Variants in TCERG1L observed in about 807,000 individuals in gnomAD.
The protein encoded by TCERG1L is transcription elongation regulator 1-like protein.
Under a neutral mutation model 56.3 loss-of-function variants are expected in TCERG1L, and 37 were observed. The observed-to-expected ratio is 0.66, with a 90% CI of 0.51 to 0.87. TCERG1L has a LOEUF of 0.87. TCERG1L is among the 40% of genes least tolerant of loss of function. TCERG1L has a pLI of 0.00. For synonymous variants in TCERG1L, 324 were observed against 326.3 expected (o/e 0.99, Z 0.08); for missense variants, 799 against 774.2 (o/e 1.03, Z -0.38).
intron 3 of TCERG1L, among the ~76,000 whole-genome samples, chr10:131,263,792 T>C (rs1846256523): frequency 1.3e-5 from 2 of 152,330 alleles, no homozygotes; most frequent in Admixed American, 1.3e-4. Flanking sequence ...CTACACAAAT[T>C]TATTAACAAT....
At chr10:131,191,425 G>C (rs1845299771) in intron 4 of TCERG1L, among the ~76,000 whole-genome samples, 1 of 143,426 alleles carries the variant, frequency 7.0e-6, no homozygotes, top group East Asian at 1.9e-4. Context: ...AATACCCAAA[G>C]CAATCCTAAG....
At chr10:131,199,947 A>G (rs1845413452) in intron 4 of TCERG1L, among the ~76,000 whole-genome samples, 3 of 152,040 alleles carry the variant, frequency 2.0e-5, no homozygotes, top group African/African-American at 4.8e-5. Context: ...CTGTAAAATT[A>G]CCTGCTGTGT....
intron 8 of TCERG1L, among the ~76,000 whole-genome samples, chr10:131,121,982 C>A (rs1295652892): frequency 6.6e-6 from 1 of 152,222 alleles, no homozygotes; most frequent in Non-Finnish European, 1.5e-5. Flanking sequence ...CCAGCCCTCA[C>A]TCCAGTTTTG....
At chr10:131,222,697 T>C (rs951158443) in intron 4 of TCERG1L, among the ~76,000 whole-genome samples, 1 of 152,194 alleles carries the variant, frequency 6.6e-6, no homozygotes, top group Non-Finnish European at 1.5e-5. Flanking sequence ...AAAGACTATG[T>C]CTAAGCAGTC....
intron 3 of TCERG1L, among the ~76,000 whole-genome samples, chr10:131,302,706 C>T (rs962242777): frequency 2.7e-5 from 4 of 150,842 alleles, no homozygotes; most frequent in African/African-American, 7.4e-5. Flanking sequence ...TATACATGCA[C>T]CATGGTGATT....
chr10:131,116,434 C>T (rs1159944502), intron 9 of TCERG1L, among the ~76,000 whole-genome samples: 3 of 152,260 alleles, frequency 2.0e-5, no homozygotes, highest in African/African-American at 7.2e-5. Context: ...CGGTGGACCC[C>T]ACCTGCCGGC....
intron 4 of TCERG1L, among the ~76,000 whole-genome samples, chr10:131,218,286 G>A (rs542839180): frequency 3.9e-5 from 6 of 152,264 alleles, no homozygotes; most frequent in African/African-American, 1.4e-4. Context: ...TGCATGACAT[G>A]GATAGAAATG....
chr10:131,171,512 G>A (rs951711084), intron 4 of TCERG1L, among the ~76,000 whole-genome samples: 23 of 152,314 alleles, frequency 1.5e-4, no homozygotes, highest in African/African-American at 5.1e-4. Context: ...GATGGCATAT[G>A]CCATGTAGTC....
intron 4 of TCERG1L, among the ~76,000 whole-genome samples, chr10:131,206,009 G>T (rs1460798020): frequency 2.0e-5 from 3 of 152,198 alleles, no homozygotes; most frequent in African/African-American, 4.8e-5. Context: ...GACCACAGAG[G>T]TCTTACTATA....
At chr10:131,255,543 G>C (rs533678906) in intron 4 of TCERG1L, among the ~76,000 whole-genome samples, 3 of 152,246 alleles carry the variant, frequency 2.0e-5, no homozygotes, top group Non-Finnish European at 4.4e-5. Context: ...GGCTCGGAGG[G>C]AGGCACTGGG....
At chr10:131,202,378 C>A (rs1002195898) in intron 4 of TCERG1L, among the ~76,000 whole-genome samples, 1 of 152,060 alleles carries the variant, frequency 6.6e-6, no homozygotes. Flanking sequence ...GGTCAGGAGT[C>A]CGAGACCAGT....
intron 4 of TCERG1L, among the ~76,000 whole-genome samples, chr10:131,239,767 G>A (rs1294673678): frequency 6.6e-6 from 1 of 152,230 alleles, no homozygotes; most frequent in Non-Finnish European, 1.5e-5. Flanking sequence ...CCGCATAAAG[G>A]GGATCGTATC....
At chr10:131,245,137 C>A (rs958210473) in intron 4 of TCERG1L, among the ~76,000 whole-genome samples, 1 of 152,160 alleles carries the variant, frequency 6.6e-6, no homozygotes, top group African/African-American at 2.4e-5. Flanking sequence ...CTGGTGGGAT[C>A]TTTTGAGCTC....
At chr10:131,215,227 C>T (rs1423547008) in intron 4 of TCERG1L, among the ~76,000 whole-genome samples, 2 of 152,172 alleles carry the variant, frequency 1.3e-5, no homozygotes, top group African/African-American at 2.4e-5. Context: ...ACCCCAAGCC[C>T]GACACCCATG....
chr10:131,175,328 G>T (rs764232130), intron 4 of TCERG1L, among the ~76,000 whole-genome samples: 6 of 152,222 alleles, frequency 3.9e-5, no homozygotes, highest in Non-Finnish European at 8.8e-5. Context: ...TGCCTCACCC[G>T]GTGCGGCACG....
At chr10:131,263,152 C>A (rs2133545901) in intron 3 of TCERG1L, among the ~76,000 whole-genome samples, 1 of 152,222 alleles carries the variant, frequency 6.6e-6, no homozygotes, top group African/African-American at 2.4e-5. Context: ...TTTGCATTCC[C>A]ACCAGCAGTG....
chr10:131,185,993 T>C (rs979773089), intron 4 of TCERG1L, among the ~76,000 whole-genome samples: 4 of 152,208 alleles, frequency 2.6e-5, no homozygotes, highest in South Asian at 2.1e-4. Flanking sequence ...AAGCACCAAG[T>C]AGGCTATCCA....
chr10:131,229,993 C>A (rs531271386), intron 4 of TCERG1L, among the ~76,000 whole-genome samples: 4 of 152,108 alleles, frequency 2.6e-5, no homozygotes, highest in African/African-American at 9.7e-5. Flanking sequence ...CAGCTCTGAG[C>A]GTTGAAATTG....
intron 6 of TCERG1L, among the ~76,000 whole-genome samples, chr10:131,149,016 G>A (rs1050586275): frequency 1.3e-5 from 2 of 152,096 alleles, no homozygotes; most frequent in African/African-American, 2.4e-5. Context: ...AATATGACCT[G>A]CCCTTCTGCC....
Sources: allele counts gnomAD v4.1 joint callset (sites outside exome capture counted in the v4.1 genomes callset), GRCh38; gene constraint gnomAD v4.1.1; transcripts MANE v1.5; gene names NCBI Gene and HGNC (gene_info 2026-07-23, HGNC 2026-07-21).